ABR: variants seen among roughly 807,000 people sequenced by gnomAD.
ABR encodes the protein ABR activator of RhoGEF and GTPase.
In ABR, 35 loss-of-function variants were observed where a neutral mutation model predicts 107.2. The observed-to-expected ratio is 0.33, with a 90% CI of 0.25 to 0.43. ABR has a LOEUF of 0.43. Among genes scored for constraint, ABR ranks in the 20% least tolerant of loss-of-function variants. The pLI is 1.00. For synonymous variants in ABR, 498 were observed against 462.0 expected, an observed-to-expected ratio of 1.08 and a Z score of -1.00; for missense variants, 815 against 1,115.2, an observed-to-expected ratio of 0.73 and a Z score of 3.83.
intron 16 of ABR, among the ~76,000 whole-genome samples, chr17:1,044,025 T>G (rs2031129542): frequency 6.6e-6 from 1 of 152,184 alleles, no homozygotes; most frequent in Non-Finnish European, 1.5e-5. Flanking sequence ...GAAAGCGCTC[T>G]CCTCAGGCCC....
intron 3 of ABR, 73 bp downstream of exon 3, chr17:1,100,564 G>A (rs2037794585): frequency 7.0e-7 from 1 of 1,419,944 alleles, no homozygotes; most frequent in Admixed American, 1.7e-5. Flanking sequence ...AACTCCAAAA[G>A]CAGCTTCAGA....
At chr17:1,072,192 C>T (rs11657707) in intron 8 of ABR, among the ~76,000 whole-genome samples, 28,145 of 152,064 alleles carry the variant, frequency 0.19, 3,016 homozygotes, top group South Asian at 0.25. Context: ...TGTGAGCCAC[C>T]GTGCCCGGCC....
intron 1 of ABR, among the ~76,000 whole-genome samples, chr17:1,136,985 C>A (rs1384649644): frequency 7.7e-6 from 1 of 130,274 alleles, no homozygotes; most frequent in Non-Finnish European, 1.6e-5. Context: ...AACAAGCCTT[C>A]CTCACTACAC....
intron 5 of ABR, among the ~76,000 whole-genome samples, chr17:1,081,655 C>T (rs2036245197): frequency 1.3e-5 from 2 of 152,192 alleles, no homozygotes; most frequent in African/African-American, 4.8e-5. Flanking sequence ...CAGCTCACTG[C>T]AACCTCCACC....
chr17:1,005,286 T>C lies in ABR; in HGVS notation c.*794A>G. 1 of 397,904 alleles carries C rather than the reference T, an allele frequency of 2.5e-6. No individual in the cohort carries two copies. The highest frequency in any genetic ancestry group is 4.4e-6 in the Non-Finnish European group (1 of 226,010). 24.6% of individuals were successfully genotyped at this position (397,904 alleles called of 1,614,324 possible). On this transcript the variant is annotated 3_prime_UTR_variant, in exon 23 of 23. Coordinates refer to ENST00000302538, the MANE Select transcript of ABR (RefSeq NM_021962.5). ...GAAACAGTCAGAGATGCCTCACTGA[T>C]AGACAGGAGGCCGAACAGGTAAACC...
At chr17:1,017,547 G>C (rs2150782489) in intron 16 of ABR, among the ~76,000 whole-genome samples, 1 of 145,736 alleles carries the variant, frequency 6.9e-6, no homozygotes, top group African/African-American at 2.6e-5. Context: ...TCGGCTGACT[G>C]CAACCCGTCT....
intron 16 of ABR, chr17:1,022,397 G>A (rs1411448464): frequency 6.6e-6 from 1 of 152,646 alleles, no homozygotes; most frequent in African/African-American, 2.4e-5. Flanking sequence ...AAGCCGGCCT[G>A]TCATTGGGGC....
intron 16 of ABR, among the ~76,000 whole-genome samples, chr17:1,029,912 C>T (rs2072582573): frequency 6.6e-6 from 1 of 150,672 alleles, no homozygotes; most frequent in Non-Finnish European, 1.5e-5. Context: ...GCAGACGTCC[C>T]TCCGTCCGCC....
intron 1 of ABR, among the ~76,000 whole-genome samples, chr17:1,168,068 C>T (rs1197256639): frequency 3.3e-5 from 5 of 152,210 alleles, no homozygotes; most frequent in Admixed American, 1.3e-4. Context: ...GGGCAGATAA[C>T]CTGAGGTCGG....
At position 1,198,347 on chromosome 17, in the gene ABR, GA is replaced by G. The variant is rs1250922630; in HGVS notation, c.838+30445del. ...TGCTGATTTTTAGTGTGACTTTCAG[GA>G]CCAAAAAGGAAGAGGTTCTGTCTGG... On this transcript the variant is annotated intron_variant, in intron 1 of 22. Coordinates refer to the ABR transcript ENST00000574139. Among the ~76,000 whole-genome samples, 14 of 151,658 alleles carry G rather than the reference GA, an allele frequency of 9.2e-5. 1 individual carries two copies. The highest frequency in any genetic ancestry group is 2.9e-4 in the African/African-American group (12 of 41,008).
chr17:1,193,936 T>C (rs909935857), intron 1 of ABR, among the ~76,000 whole-genome samples: 9 of 151,950 alleles, frequency 5.9e-5, no homozygotes, highest in East Asian at 3.9e-4. Context: ...CCTCGTGATC[T>C]GCCCACCTTG....
upstream of ABR, among the ~76,000 whole-genome samples, chr17:1,188,781 C>G (rs1356999608): frequency 6.6e-6 from 1 of 152,110 alleles, no homozygotes; most frequent in African/African-American, 2.4e-5. Flanking sequence ...GATGTCCTTC[C>G]TACTAAATTT....
At chr17:1,217,230 G>A (rs889092965) in intron 1 of ABR, among the ~76,000 whole-genome samples, 3 of 152,134 alleles carry the variant, frequency 2.0e-5, no homozygotes, top group Non-Finnish European at 2.9e-5. Context: ...CAGTGCGGCC[G>A]CCTCACCGTC....
intron 5 of ABR, among the ~76,000 whole-genome samples, chr17:1,081,438 A>G (rs2036231567): frequency 6.6e-6 from 1 of 152,146 alleles, no homozygotes; most frequent in Admixed American, 6.5e-5. Flanking sequence ...TCCCAGGCAG[A>G]GGGTGACACA....
chr17:1,106,750 G>A (rs1345899207), intron 2 of ABR, among the ~76,000 whole-genome samples: 3 of 152,016 alleles, frequency 2.0e-5, no homozygotes, highest in African/African-American at 4.8e-5. Context: ...GGCTGATCTC[G>A]AACTCCTGAC....
intron 12 of ABR, chr17:1,057,741 G>A (rs2033501690): frequency 2.0e-6 from 1 of 502,732 alleles, no homozygotes; most frequent in African/African-American, 1.9e-5. Context: ...GAAAGCCCAG[G>A]CTGGGCTCTG....
chr17:1,031,747 G>GGA (rs968585525), intron 16 of ABR: 1 of 1,237,380 alleles, frequency 8.1e-7, no homozygotes, highest in Non-Finnish European at 1.0e-6. Context: ...GTCATGCCGG[G>GGA]GGGGACGGGA....
At chr17:1,095,708 G>T (rs2037373678) in intron 3 of ABR, among the ~76,000 whole-genome samples, 1 of 152,102 alleles carries the variant, frequency 6.6e-6, no homozygotes, top group African/African-American at 2.4e-5. Flanking sequence ...TCAGGAAGAC[G>T]GGCCTGGGCC....
chr17:1,142,942 C>CAGCTCACTCCTGGGAGGA (rs1358781700), intron 1 of ABR, among the ~76,000 whole-genome samples: 11 of 152,038 alleles, frequency 7.2e-5, no homozygotes, highest in Non-Finnish European at 1.6e-4. Context: ...GGCTGTGGGG[C>CAGCTCACTCCTGGGAGGA]AGCTCACTCC....
Sources: gnomAD v4.1 joint callset for allele counts (sites outside exome capture counted in the v4.1 genomes callset) on GRCh38, gnomAD v4.1.1 for gene constraint, MANE v1.5 for transcripts, NCBI Gene and HGNC (gene_info 2026-07-23, HGNC 2026-07-21) for gene names.